The following EPS15 variants were observed in gnomAD, a reference collection of about 807,000 sequenced individuals.
The protein encoded by EPS15 is epidermal growth factor receptor pathway substrate 15.
In EPS15, 72 loss-of-function variants were observed where a neutral mutation model predicts 113.8. That is an observed-to-expected ratio of 0.63 (90% CI 0.52 to 0.77). The LOEUF is 0.77. Among genes scored for constraint, EPS15 ranks in the 30% least tolerant of loss-of-function variants. The pLI, the probability that EPS15 is intolerant of heterozygous loss-of-function variation, is 0.00. For missense variants in EPS15, 1,048 were observed against 1,045.8 expected (o/e 1.00, Z -0.03); for synonymous variants, 344 against 363.4 (o/e 0.95, Z 0.61).
chr1:51,404,888 T>A (rs1037895057), intron 16 of EPS15, among the ~76,000 whole-genome samples: 3 of 152,202 alleles, frequency 2.0e-5, no homozygotes, highest in African/African-American at 7.2e-5. Context: ...CCAGAGGTAA[T>A]GCAGATGCCT....
intron 2 of EPS15, among the ~76,000 whole-genome samples, chr1:51,474,052 G>A (rs1404501623): frequency 6.6e-6 from 1 of 152,108 alleles, no homozygotes; most frequent in Non-Finnish European, 1.5e-5. Flanking sequence ...AGCATTCAGG[G>A]GAAACATTGA....
rs569261853 is a variant in EPS15 at position 51,467,646 on chromosome 1, T to A, written c.309+827A>T. On this transcript the variant is annotated intron_variant, in intron 5 of 24. Coordinates refer to ENST00000371733, the MANE Select transcript of EPS15 (RefSeq NM_001981.3). ...ATGGCCTGTTAGGAACTGAGCTGTATAGCAGGAGGTGAGCAGCTGGCAGGC... is the reference window on the plus strand; with the variant it reads ...ATGGCCTGTTAGGAACTGAGCTGTAAAGCAGGAGGTGAGCAGCTGGCAGGC... 3.9e-5 allele frequency among the ~76,000 whole-genome samples: 6 copies of A among 152,294 alleles called. No homozygotes were observed. The South Asian group carries it at 1.0e-3, about 26-fold the overall frequency.
At chr1:51,367,490 T>G (rs556339698) in intron 21 of EPS15, among the ~76,000 whole-genome samples, 2 of 151,930 alleles carry the variant, frequency 1.3e-5, no homozygotes, top group South Asian at 4.2e-4. Flanking sequence ...GAGGCGGAGG[T>G]TGCAGTGAGC....
At chr1:51,486,332 G>A (rs1355355750) in intron 1 of EPS15, among the ~76,000 whole-genome samples, 1 of 150,858 alleles carries the variant, frequency 6.6e-6, no homozygotes, top group Non-Finnish European at 1.5e-5. Context: ...GGCTGAGGCA[G>A]CAGAATTGCT....
Position 51,519,257 on chromosome 1 carries a change from GA to G in EPS15, c.-27del. ...GGTGTTTCCATCATGCAAGGGAGGG[GA>G]AGGAAGACGGGCTGACTGGGGCTCG... On this transcript the variant is annotated 5_prime_UTR_variant, in exon 1 of 25. Coordinates refer to ENST00000371733, the MANE Select transcript of EPS15 (RefSeq NM_001981.3). 1 of 1,137,942 alleles carries G rather than the reference GA, an allele frequency of 8.8e-7. No homozygotes were observed. The highest frequency in any genetic ancestry group is 1.1e-6 in the Non-Finnish European group (1 of 903,898). 70.5% of individuals were successfully genotyped at this position (1,137,942 alleles called of 1,614,324 possible).
At position 51,409,657 on chromosome 1, in the gene EPS15, G is replaced by C. The variant is rs1649508631; in HGVS notation, c.1153C>G (p.Gln385Glu). ...DEVQRENTNL[Q>E]KLQAQKQQVQ... ...TGCTGTTTCTGGGCCTGTAGTTTTT[G>C]CAGATTAGTATTCTCCCTTTGAACT... is the stretch of plus-strand genomic sequence containing the variant. The change falls in exon 14 of 25, where the codon CAA becomes GAA. Residue 385 changes from glutamine to glutamate, a missense_variant. Transcript: ENST00000371733. 4 of 1,612,724 alleles carry C rather than the reference G, an allele frequency of 2.5e-6. No individual in the cohort carries two copies. The Admixed American group carries it at 6.7e-5, about 27-fold the overall frequency.
intron 1 of EPS15, among the ~76,000 whole-genome samples, chr1:51,510,112 T>G (rs146745936): frequency 6.6e-6 from 1 of 152,310 alleles, no homozygotes; most frequent in African/African-American, 2.4e-5. Context: ...TTGTAAAGAT[T>G]ATTGAAAATA....
At chr1:51,430,471 G>A (rs1477977197) in intron 12 of EPS15, among the ~76,000 whole-genome samples, 1 of 151,720 alleles carries the variant, frequency 6.6e-6, no homozygotes, top group Non-Finnish European at 1.5e-5. Flanking sequence ...GAGAGGCTGA[G>A]GCAGGAGAAT....
chr1:51,356,135 C>T lies in EPS15; in HGVS notation c.*565G>A, dbSNP rs1288763394. On this transcript the variant is annotated 3_prime_UTR_variant, in exon 25 of 25. Transcript: ENST00000371733. The stretch of plus-strand genomic sequence containing the variant: ...TGGTTCAACCTACAGCATCCCTTTT[C>T]CATAGTGGAGTAAATCTGTGCAAAA... 9.6e-5 allele frequency: 20 copies of T among 208,058 alleles called. No homozygotes were observed. The East Asian group carries it at 1.5e-3, about 15-fold the overall frequency. The allele number at this position is 208,058 out of a possible 1,614,324, so 12.9% of individuals were successfully genotyped here. A position where few individuals can be genotyped will look rare whatever the true frequency, so the allele number is the denominator to read the frequency against.
At chr1:51,390,801 A>G (rs950470419) in intron 21 of EPS15, among the ~76,000 whole-genome samples, 11 of 152,020 alleles carry the variant, frequency 7.2e-5, no homozygotes, top group Non-Finnish European at 1.6e-4. Flanking sequence ...CAATCATTAA[A>G]AAGTCAGGAA....
At chr1:51,513,233 A>G (rs772060850) in intron 1 of EPS15, among the ~76,000 whole-genome samples, 2 of 152,230 alleles carry the variant, frequency 1.3e-5, no homozygotes, top group Non-Finnish European at 2.9e-5. Context: ...AAAACATGTA[A>G]AAGAGTATCC....
At chr1:51,374,996 CTTT>C (rs761941054) in intron 21 of EPS15, among the ~76,000 whole-genome samples, 3 of 108,772 alleles carry the variant, frequency 2.8e-5, no homozygotes, top group African/African-American at 3.7e-5. Context: ...TAATATACTT[CTTT>C]TTTTTTTTTT....
At chr1:51,472,530 T>C (rs1230303203) in intron 3 of EPS15, among the ~76,000 whole-genome samples, 5 of 152,166 alleles carry the variant, frequency 3.3e-5, no homozygotes, top group Admixed American at 6.6e-5. Flanking sequence ...GAGACAGTTA[T>C]AACAGAGGAA....
chr1:51,441,058 A>G (rs1397862036), intron 11 of EPS15, among the ~76,000 whole-genome samples: 1 of 152,088 alleles, frequency 6.6e-6, no homozygotes, highest in Non-Finnish European at 1.5e-5. Context: ...GAAGGTTACA[A>G]AATTGGTCTC....
intron 11 of EPS15, among the ~76,000 whole-genome samples, chr1:51,442,968 C>T (rs1018023221): frequency 6.6e-6 from 1 of 151,896 alleles, no homozygotes; most frequent in South Asian, 2.1e-4. Flanking sequence ...AAATGCAGTA[C>T]TAAAAAAACC....
chr1:51,489,399 G>A (rs1267274106), intron 1 of EPS15, among the ~76,000 whole-genome samples: 1 of 150,112 alleles, frequency 6.7e-6, no homozygotes, highest in Admixed American at 6.7e-5. Flanking sequence ...TCGGCTCACT[G>A]CAATCTCCGC....
chr1:51,485,673 A>G (rs908495681), intron 1 of EPS15, among the ~76,000 whole-genome samples: 1 of 152,242 alleles, frequency 6.6e-6, no homozygotes, highest in Admixed American at 6.5e-5. Flanking sequence ...AAGTTTGCCA[A>G]GACACTGAAA....
In EPS15 at chr1:51,381,459, G is replaced by C. The variant is rs987800276; in HGVS notation, c.2119+12922C>G. Among the ~76,000 whole-genome samples the C allele has an allele frequency of 7.2e-5, 11 of 152,218 alleles. No homozygotes were observed. In the East Asian group the frequency reaches 1.9e-3, roughly 27 times the overall value. ...AATACAAAAATGACACGGGCGTGGT[G>C]GTGGGCGCCTATAGTCCCAGCTACT... On this transcript the variant is annotated intron_variant, in intron 21 of 24. Transcript: ENST00000371733.
intron 7 of EPS15, among the ~76,000 whole-genome samples, chr1:51,462,846 A>C (rs1414307946): frequency 6.6e-6 from 1 of 151,976 alleles, no homozygotes; most frequent in Non-Finnish European, 1.5e-5. Context: ...AAATTGAAAA[A>C]AAGAGGAAAA....
Sources: allele counts gnomAD v4.1 joint callset (sites outside exome capture counted in the v4.1 genomes callset), GRCh38; gene constraint gnomAD v4.1.1; transcripts MANE v1.5; gene names NCBI Gene and HGNC (gene_info 2026-07-23, HGNC 2026-07-21).